HPS4: variants seen among roughly 807,000 people sequenced by gnomAD.
HPS4 encodes the protein HPS4 biogenesis of lysosomal organelles complex 3 subunit 2.
Under a neutral mutation model 70.3 loss-of-function variants are expected in HPS4, and 44 were observed. That is an observed-to-expected ratio of 0.63 (90% CI 0.49 to 0.80). The LOEUF (loss-of-function observed/expected upper bound fraction) is 0.80, where lower values mean the gene tolerates loss of function less well. Ranked by LOEUF, HPS4 falls within the 30% of genes least tolerant of loss-of-function variation. The pLI is 0.00. For synonymous variants in HPS4, 377 were observed against 355.9 expected, an observed-to-expected ratio of 1.06 and a Z score of -0.67; for missense variants, 873 against 884.4, an observed-to-expected ratio of 0.99 and a Z score of 0.16.
intron 10 of HPS4, among the ~76,000 whole-genome samples, chr22:26,465,047 A>T (rs2088234696): frequency 2.6e-5 from 4 of 152,228 alleles, no homozygotes. Flanking sequence ...TGAAAATGGC[A>T]GAGCCCACTG....
At chr22:26,458,179 G>C (rs974907285) in intron 12 of HPS4, among the ~76,000 whole-genome samples, 12 of 151,836 alleles carry the variant, frequency 7.9e-5, no homozygotes, top group Non-Finnish European at 1.6e-4. Context: ...TCAACATTCT[G>C]AGACAAACCC....
exon 4 of HPS4, chr22:26,444,481 C>T (rs1362242918): frequency 1.3e-5 from 2 of 152,182 alleles, no homozygotes; most frequent in Non-Finnish European, 2.9e-5. Flanking sequence ...TCCCAGGAGA[C>T]CAGTTTGAGG....
chr22:26,478,570 C>CAA lies in HPS4; in HGVS notation c.132+693_132+694dup, dbSNP rs58708957. Reference sequence around the variant, plus strand: ...TGGGTGACAGAGTGAGCCTCCATCACAAAAAAAAAAAAAAAAAAATCGGCA... The same window carrying CAA: ...TGGGTGACAGAGTGAGCCTCCATCACAAAAAAAAAAAAAAAAAAAAATCGGCA... On this transcript the variant is annotated intron_variant, in intron 3 of 13. Transcript: ENST00000398145. 3.9e-3 allele frequency among the ~76,000 whole-genome samples: 434 copies of CAA among 111,080 alleles called. 11 individuals are homozygous for CAA. The highest frequency in any genetic ancestry group is 9.1e-3 in the East Asian group (35 of 3,860). 72.9% of individuals were successfully genotyped at this position (111,080 alleles called of 152,430 possible).
chr22:26,448,740 G>A (rs900143067), downstream of HPS4, among the ~76,000 whole-genome samples: 1 of 152,004 alleles, frequency 6.6e-6, no homozygotes, highest in African/African-American at 2.4e-5. Context: ...TTTAAATACT[G>A]GATCAACAGA....
Position 26,452,554 on chromosome 22 carries a change from GCTTT to G in HPS4, c.*675_*678del. ...GAATTCTCAGGGCTCAGCCCCCAGA[GCTTT>G]TATAAAGGGATCTCTAAAGCCCAAA... On this transcript the variant is annotated 3_prime_UTR_variant, in exon 14 of 14. Coordinates refer to ENST00000398145, the MANE Select transcript of HPS4 (RefSeq NM_022081.6). 1 of 335,870 alleles carries G rather than the reference GCTTT, an allele frequency of 3.0e-6. No individual in the cohort carries two copies. Among genetic ancestry groups the G allele is most frequent in the Non-Finnish European group, 5.8e-6 (1 of 171,604 alleles). 20.8% of individuals were successfully genotyped at this position (335,870 alleles called of 1,614,324 possible).
chr22:26,465,646 G>A (rs2088422511), intron 9 of HPS4, 95 bp from the exon 10 acceptor site: 11 of 1,025,480 alleles, frequency 1.1e-5, no homozygotes, highest in African/African-American at 1.6e-5. Flanking sequence ...CAACCCACAC[G>A]TGGGCTCGGA....
chr22:26,452,688 C>G lies in HPS4; in HGVS notation c.*545G>C. The stretch of plus-strand genomic sequence containing the variant: ...AATTCAACCAAGTGGTCTCCGTGTG[C>G]TGCCGCTTCCCTGCAGGAACGATCC... On this transcript the variant is annotated 3_prime_UTR_variant, in exon 14 of 14. Coordinates refer to ENST00000398145, the MANE Select transcript of HPS4 (RefSeq NM_022081.6). 1 of 244,244 alleles carries G rather than the reference C, an allele frequency of 4.1e-6. No homozygotes were observed. Among genetic ancestry groups the G allele is most frequent in the South Asian group, 4.9e-5 (1 of 20,392 alleles). The allele number at this position is 244,244 out of a possible 1,614,324, so 15.1% of individuals were successfully genotyped here. A position where few individuals can be genotyped will look rare whatever the true frequency, so the allele number is the denominator to read the frequency against.
At chr22:26,463,475 G>T (rs185123739) in intron 11 of HPS4, among the ~76,000 whole-genome samples, 1 of 152,314 alleles carries the variant, frequency 6.6e-6, no homozygotes, top group African/African-American at 2.4e-5. Context: ...TGCAGTCTCT[G>T]CCTGCATTAT....
chr22:26,465,349 T>C (rs2088317757), intron 10 of HPS4, 106 bp downstream of exon 10: 5 of 797,030 alleles, frequency 6.3e-6, no homozygotes, highest in East Asian at 2.5e-5. Context: ...ATGGGGAAGA[T>C]GGAATTAAGG....
intron 6 of HPS4, chr22:26,471,312 A>G: frequency 2.2e-6 from 1 of 454,030 alleles, no homozygotes; most frequent in Non-Finnish European, 4.4e-6. Context: ...CATAAAATGA[A>G]AACATCATGC....
In HPS4 at chr22:26,452,155, G is replaced by A; in HGVS notation, c.*1078C>T. Reference sequence around the variant, plus strand: ...CCTTGGAAGCTTGTTTCAAGAAAAAGACACCATATCATAAACATCAGATAT... The same window carrying A: ...CCTTGGAAGCTTGTTTCAAGAAAAAAACACCATATCATAAACATCAGATAT... On this transcript the variant is annotated 3_prime_UTR_variant, in exon 14 of 14. Coordinates refer to ENST00000398145, the MANE Select transcript of HPS4 (RefSeq NM_022081.6). 3.0e-6 allele frequency: 1 copy of A among 331,642 alleles called. No homozygotes were observed. Among genetic ancestry groups the A allele is most frequent in the Non-Finnish European group, 6.0e-6 (1 of 167,588 alleles). The allele number at this position is 331,642 out of a possible 1,614,324, so 20.5% of individuals were successfully genotyped here.
At chr22:26,458,653 T>A (rs2086654971) in intron 11 of HPS4, 76 bp from the exon 12 acceptor site, 1 of 1,561,868 alleles carries the variant, frequency 6.4e-7, no homozygotes, top group African/African-American at 1.4e-5. Flanking sequence ...AACCACAGAC[T>A]TAGTTAAAAA....
intron 2 of HPS4, among the ~76,000 whole-genome samples, chr22:26,481,172 T>G (rs1402955979): frequency 6.6e-6 from 1 of 151,424 alleles, no homozygotes; most frequent in African/African-American, 2.4e-5. Flanking sequence ...CTGCTCCATC[T>G]TTTTGACTTC....
At chr22:26,481,096 G>A (rs569721621) in intron 2 of HPS4, among the ~76,000 whole-genome samples, 4 of 152,082 alleles carry the variant, frequency 2.6e-5, no homozygotes, top group African/African-American at 7.2e-5. Flanking sequence ...CTGTCCCCAC[G>A]TTCTCTTGAT....
chr22:26,461,414 T>C (rs572959199), intron 11 of HPS4, among the ~76,000 whole-genome samples: 1 of 152,228 alleles, frequency 6.6e-6, no homozygotes, highest in African/African-American at 2.4e-5. Flanking sequence ...GGTGTGAGCC[T>C]ATTCCACTCC....
intron 3 of HPS4, among the ~76,000 whole-genome samples, chr22:26,445,333 A>C (rs1365424042): frequency 6.6e-6 from 1 of 151,422 alleles, no homozygotes; most frequent in Non-Finnish European, 1.5e-5. Flanking sequence ...GACCCTGTCC[A>C]AAAAAAAAGA....
At chr22:26,458,310 A>G in intron 12 of HPS4, 135 bp downstream of exon 12, 1 of 1,089,874 alleles carries the variant, frequency 9.2e-7, no homozygotes, top group Admixed American at 1.8e-5. Context: ...GCTCCCGGTG[A>G]GAAGAGAGCC....
chr22:26,451,994 G>GCACACACACACACACACA lies in HPS4; in HGVS notation c.*1238_*1239insTGTGTGTGTGTGTGTGTG, dbSNP rs753115022. On this transcript the variant is annotated 3_prime_UTR_variant, in exon 14 of 14. Coordinates refer to ENST00000398145, the MANE Select transcript of HPS4 (RefSeq NM_022081.6). ...AGGGATGCGCCCACGTTACGCGCGC[G>GCACACACACACACACACA]CGCGCGCGCGCACACACACACACAC... is the stretch of plus-strand genomic sequence containing the variant. 12 of 71,322 alleles carry GCACACACACACACACACA rather than the reference G, an allele frequency of 1.7e-4. No individual in the cohort carries two copies. The highest frequency in any genetic ancestry group is 6.7e-4 in the African/African-American group (12 of 18,022). 4.4% of individuals were successfully genotyped at this position (71,322 alleles called of 1,614,324 possible).
downstream of HPS4, chr22:26,443,318 C>T (rs1385920278): frequency 4.8e-6 from 4 of 837,888 alleles, no homozygotes; most frequent in South Asian, 4.7e-5. Flanking sequence ...CCTGCCTCAG[C>T]GGAAAGCTCT....
Sources: allele counts gnomAD v4.1 joint callset (sites outside exome capture counted in the v4.1 genomes callset), GRCh38; gene constraint gnomAD v4.1.1; transcripts MANE v1.5; gene names NCBI Gene and HGNC (gene_info 2026-07-23, HGNC 2026-07-21).